The following KCNU1 variants were observed in gnomAD, a reference collection of about 807,000 sequenced individuals.
KCNU1 encodes the protein potassium channel subfamily U member 1.
Under a neutral mutation model 126.8 loss-of-function variants are expected in KCNU1, and 93 were observed. That is an observed-to-expected ratio of 0.73 (90% confidence interval 0.62 to 0.87). The LOEUF is 0.87. Ranked by LOEUF, KCNU1 falls within the 40% of genes least tolerant of loss-of-function variation. The probability of loss-of-function intolerance (pLI) is 0.00; values close to 1 mark genes in which losing one functional copy is unlikely to be tolerated. For synonymous variants in KCNU1, 523 were observed against 494.2 expected (o/e 1.06, Z -0.77); for missense variants, 1,330 against 1,367.1 (o/e 0.97, Z 0.43).
At chr8:36,916,175 T>G (rs1289374309) in intron 22 of KCNU1, among the ~76,000 whole-genome samples, 106 of 93,868 alleles carry the variant, frequency 1.1e-3, no homozygotes, top group East Asian at 1.8e-3. Flanking sequence ...GGAAAGAAGG[T>G]AGGAAAGAAG....
chr8:36,888,757 A>G, intron 19 of KCNU1: 1 of 534,144 alleles, frequency 1.9e-6, no homozygotes, highest in East Asian at 5.5e-5. Flanking sequence ...AGTATATCAA[A>G]GATTACATGA....
rs1013716836 is a variant in KCNU1, at chr8:36,808,360, A to G, written c.657-358A>G. ...AGCATAATGAATTGTATATTATTATATCGGACAATATAACAATCTCTATGA... is the reference window on the plus strand; with the variant it reads ...AGCATAATGAATTGTATATTATTATGTCGGACAATATAACAATCTCTATGA... On this transcript the variant is annotated intron_variant, in intron 6 of 26. Coordinates refer to ENST00000399881, the MANE Select transcript of KCNU1 (RefSeq NM_001031836.3). Among the ~76,000 whole-genome samples, 5 of 152,170 alleles carry G rather than the reference A, an allele frequency of 3.3e-5. No individual in the cohort carries two copies. In the East Asian group the frequency reaches 9.6e-4, roughly 29 times the overall value.
At chr8:36,918,744 T>C (rs998262046) in intron 22 of KCNU1, 79 bp from the exon 23 acceptor site, 2 of 878,008 alleles carry the variant, frequency 2.3e-6, no homozygotes, top group Non-Finnish European at 3.8e-6. Flanking sequence ...AGCACCAAGT[T>C]ACATTATATT....
At chr8:36,922,688 G>A (rs1456508457) in intron 24 of KCNU1, 59 bp downstream of exon 24, 1 of 1,547,608 alleles carries the variant, frequency 6.5e-7, no homozygotes, top group Non-Finnish European at 8.7e-7. Flanking sequence ...GAAGTGAACA[G>A]GTAGTATAAG....
In KCNU1 at chr8:36,817,776, T is replaced by G; in HGVS notation, c.1106+16T>G. On this transcript the variant is annotated intron_variant, in intron 10 of 26. Coordinates refer to ENST00000399881, the MANE Select transcript of KCNU1 (RefSeq NM_001031836.3). ...TCCTGGGAGAGTAAGTATATCTGTATGGCTCATGGGTTCTAAATTAATACT... is the reference window on the plus strand; with the variant it reads ...TCCTGGGAGAGTAAGTATATCTGTAGGGCTCATGGGTTCTAAATTAATACT... The G allele has an allele frequency of 8.0e-7, 1 of 1,255,748 alleles. No homozygotes were observed. Among genetic ancestry groups the G allele is most frequent in the Non-Finnish European group, 1.2e-6 (1 of 852,698 alleles). 77.8% of individuals were successfully genotyped at this position (1,255,748 alleles called of 1,614,324 possible).
chr8:36,907,295 C>T (rs1807669829), intron 20 of KCNU1, among the ~76,000 whole-genome samples: 3 of 152,078 alleles, frequency 2.0e-5, no homozygotes, highest in Admixed American at 2.0e-4. Context: ...CAATAGTCAC[C>T]ATCTTTCTTA....
intron 2 of KCNU1, among the ~76,000 whole-genome samples, chr8:36,788,516 T>G (rs575616336): frequency 2.6e-5 from 4 of 152,354 alleles, no homozygotes; most frequent in South Asian, 4.1e-4. Flanking sequence ...TAGTTTCATG[T>G]GAGCTAAAGA....
chr8:36,905,369 T>A (rs1807581921), intron 19 of KCNU1, among the ~76,000 whole-genome samples: 1 of 151,886 alleles, frequency 6.6e-6, no homozygotes, highest in Admixed American at 6.6e-5. Flanking sequence ...CCCAAAACAC[T>A]GCTCATGATA....
Position 36,908,394 on chromosome 8 carries a change from T to C in KCNU1, c.2107-917T>C, listed in dbSNP as rs1807720774. ...AAATGAAATTTTTTTTATTATACTT[T>C]AAGTTCTATGGTACATGTGCACAAT... On this transcript the variant is annotated intron_variant, in intron 20 of 26. Coordinates refer to ENST00000399881, the MANE Select transcript of KCNU1 (RefSeq NM_001031836.3). Among the ~76,000 whole-genome samples the C allele has an allele frequency of 2.0e-5, 3 of 152,150 alleles. No homozygotes were observed. The South Asian group carries it at 6.2e-4, about 32-fold the overall frequency.
intron 24 of KCNU1, among the ~76,000 whole-genome samples, chr8:36,927,280 A>G (rs1239100732): frequency 6.6e-6 from 1 of 152,190 alleles, no homozygotes; most frequent in East Asian, 1.9e-4. Flanking sequence ...TGACATTAAA[A>G]TGGCTTCAAG....
intron 24 of KCNU1, among the ~76,000 whole-genome samples, chr8:36,925,626 A>G (rs1732493464): frequency 6.6e-6 from 1 of 152,172 alleles, no homozygotes; most frequent in Admixed American, 6.5e-5. Context: ...CACCAAAGAA[A>G]GACCCAAGGA....
chr8:36,815,075 A>C lies in KCNU1; in HGVS notation c.904-521A>C, dbSNP rs576318796. Among the ~76,000 whole-genome samples the C allele has an allele frequency of 7.9e-5, 12 of 152,284 alleles. No homozygotes were observed. In the East Asian group the frequency reaches 2.3e-3, roughly 29 times the overall value. ...GCCAGGCACAGTTGCTCAGGCCTGCAATCCCAGCATTTTGTGAGGCCAAGG... is the reference window on the plus strand; with the variant it reads ...GCCAGGCACAGTTGCTCAGGCCTGCCATCCCAGCATTTTGTGAGGCCAAGG... On this transcript the variant is annotated intron_variant, in intron 8 of 26. Transcript: ENST00000399881.
At chr8:36,888,687 T>C (rs770457616) in intron 19 of KCNU1, 9 of 534,546 alleles carry the variant, frequency 1.7e-5, no homozygotes, top group South Asian at 1.3e-4. Context: ...ATCACTAGTG[T>C]TGATATTGTT....
chr8:36,883,409 C>T (rs2117406646), intron 19 of KCNU1, among the ~76,000 whole-genome samples: 1 of 152,300 alleles, frequency 6.6e-6, no homozygotes, highest in South Asian at 2.1e-4. Flanking sequence ...TTATCATTTA[C>T]TCCTGTTCCC....
rs1166669194 is a variant in KCNU1, at chr8:36,928,985, A to G, written c.2737-1966A>G. 3 of 699,250 alleles carry G rather than the reference A, an allele frequency of 4.3e-6. No homozygotes were observed. In the African/African-American group the frequency reaches 5.3e-5, roughly 12 times the overall value. 43.3% of individuals were successfully genotyped at this position (699,250 alleles called of 1,614,324 possible). A position where few individuals can be genotyped will look rare whatever the true frequency, so the allele number is the denominator to read the frequency against. ...ATACATGAGAAGCAATGATAAAGAA[A>G]ACAGAATTTAGCAATGTGTGCAGTA... is the stretch of plus-strand genomic sequence containing the variant. On this transcript the variant is annotated intron_variant, in intron 24 of 26. Coordinates refer to ENST00000399881, the MANE Select transcript of KCNU1 (RefSeq NM_001031836.3).
chr8:36,817,975 T>C (rs1803983365), intron 10 of KCNU1, among the ~76,000 whole-genome samples: 1 of 152,220 alleles, frequency 6.6e-6, no homozygotes, highest in Non-Finnish European at 1.5e-5. Context: ...GGTACTAATA[T>C]GATTTAAGTG....
Position 36,858,176 on chromosome 8 carries a change from C to CAAAAA in KCNU1, c.1892-6209_1892-6205dup, listed in dbSNP as rs67265944. ...AAGTCTAAGACAATTTCAAGGATGGCAAAAAAAAAAAAAAAAAAAAAAACT... is the reference window on the plus strand; with the variant it reads ...AAGTCTAAGACAATTTCAAGGATGGCAAAAAAAAAAAAAAAAAAAAAAAAAAAACT... On this transcript the variant is annotated intron_variant, in intron 18 of 26. Transcript: ENST00000399881. 2.2e-4 allele frequency among the ~76,000 whole-genome samples: 16 copies of CAAAAA among 73,030 alleles called. 1 individual carries two copies. The highest frequency in any genetic ancestry group is 7.5e-4 in the African/African-American group (13 of 17,256). 47.9% of individuals were successfully genotyped at this position (73,030 alleles called of 152,430 possible). A position where few individuals can be genotyped will look rare whatever the true frequency, so the allele number is the denominator to read the frequency against.
chr8:36,896,259 G>A (rs1299908098), intron 19 of KCNU1, among the ~76,000 whole-genome samples: 2 of 151,896 alleles, frequency 1.3e-5, no homozygotes, highest in African/African-American at 4.8e-5. Flanking sequence ...TTGGCCTGAA[G>A]AGCTTAAAAT....
chr8:36,864,452 G>T lies in KCNU1; in HGVS notation c.1940G>T (p.Arg647Leu), dbSNP rs756080668. 27 of 1,612,796 alleles carry T rather than the reference G, an allele frequency of 1.7e-5. No individual in the cohort carries two copies. Among genetic ancestry groups the T allele is most frequent in the South Asian group, 2.2e-5 (2 of 91,056 alleles). ...MKKCLKGISS[R>L]ISGQDSPPRV... ...AAATGTCTGAAGGGAATCTCCTCTC[G>T]TATATCAGGGCAGGATTCTCCGCCA... The change falls in exon 19 of 27, where the codon CGT (arginine) becomes CTT (leucine). Residue 647 changes from arginine (R) to leucine (L), a missense_variant. This residue lies in a region of KCNU1 where 1,054 missense variants were observed against 1,053.9 expected (regional missense o/e 1.00). Coordinates refer to ENST00000399881, the MANE Select transcript of KCNU1 (RefSeq NM_001031836.3).
Sources: allele counts gnomAD v4.1 joint callset (sites outside exome capture counted in the v4.1 genomes callset), GRCh38; gene constraint gnomAD v4.1.1; regional missense constraint gnomAD v4.1.1; transcripts MANE v1.5; gene names NCBI Gene and HGNC (gene_info 2026-07-23, HGNC 2026-07-21).